DENND1A: variants seen among roughly 807,000 people sequenced by gnomAD.
DENND1A encodes the protein DENN domain containing 1A.
In DENND1A, 51 loss-of-function variants were observed where a neutral mutation model predicts 113.7. The ratio of observed to expected loss-of-function variants is 0.45; its 90% CI spans 0.36 to 0.57. DENND1A has a LOEUF of 0.57. Among genes scored for constraint, DENND1A ranks in the 20% least tolerant of loss-of-function variants. DENND1A has a pLI of 0.00. For missense variants in DENND1A, 1,258 were observed against 1,395.9 expected, an observed-to-expected ratio of 0.90 and a Z score of 1.57; for synonymous variants, 565 against 570.8, an observed-to-expected ratio of 0.99 and a Z score of 0.14.
At chr9:123,459,974 G>A (rs2048405441) in intron 13 of DENND1A, among the ~76,000 whole-genome samples, 1 of 152,164 alleles carries the variant, frequency 6.6e-6, no homozygotes. Context: ...CAGCTTATAT[G>A]AGCATCTAAA....
At chr9:123,637,970 CA>C (rs1458665065) in intron 9 of DENND1A, among the ~76,000 whole-genome samples, 7 of 151,628 alleles carry the variant, frequency 4.6e-5, no homozygotes, top group East Asian at 3.9e-4. Context: ...CACACACACA[CA>C]CACCAAAAAA....
At chr9:123,627,430 A>T (rs1277525031) in intron 10 of DENND1A, among the ~76,000 whole-genome samples, 1 of 152,194 alleles carries the variant, frequency 6.6e-6, no homozygotes, top group African/African-American at 2.4e-5. Context: ...CAGCATCGGG[A>T]AACATCTGCT....
intron 13 of DENND1A, among the ~76,000 whole-genome samples, chr9:123,507,130 A>C (rs181268230): frequency 7.2e-5 from 11 of 152,354 alleles, no homozygotes; most frequent in Admixed American, 6.5e-4. Flanking sequence ...TGGGGGTTGC[A>C]GTGAGCTAAG....
chr9:123,804,683 C>T (rs919472276), intron 2 of DENND1A, among the ~76,000 whole-genome samples: 1 of 152,184 alleles, frequency 6.6e-6, no homozygotes, highest in Non-Finnish European at 1.5e-5. Flanking sequence ...AACTCCTGAT[C>T]TTTCTCTCAC....
chr9:123,738,441 T>TTGTGTGTGTG (rs760641686), intron 5 of DENND1A, among the ~76,000 whole-genome samples: 1,500 of 123,420 alleles, frequency 0.012, 13 homozygotes, highest in African/African-American at 0.026. Context: ...TGTCAACAGC[T>TTGTGTGTGTG]TCTGTGTGTG....
Position 123,627,950 on chromosome 9 carries a change from A to C in DENND1A, c.719+2426T>G, listed in dbSNP as rs77282982. 4.1e-4 allele frequency among the ~76,000 whole-genome samples: 63 copies of C among 152,116 alleles called. No individual in the cohort carries two copies. In the East Asian group the frequency reaches 8.8e-3, roughly 21 times the overall value. ...ATTAGCACATACGTTATTTTATTTC[A>C]TCCTAGAAACAGTTTAAAGAACAGG... On this transcript the variant is annotated intron_variant, in intron 10 of 23. Transcript: ENST00000394215.
At chr9:123,833,154 C>T (rs373683741) in intron 2 of DENND1A, among the ~76,000 whole-genome samples, 1 of 93,426 alleles carries the variant, frequency 1.1e-5, no homozygotes, top group African/African-American at 4.3e-5. Flanking sequence ...AAAAAGGAAA[C>T]GAAAGAAAAA....
At chr9:123,830,888 A>C (rs1234005243) in intron 2 of DENND1A, among the ~76,000 whole-genome samples, 3 of 150,220 alleles carry the variant, frequency 2.0e-5, no homozygotes, top group Admixed American at 1.3e-4. Flanking sequence ...AAAAAAAAAA[A>C]AAAAAAAAAA....
intron 17 of DENND1A, among the ~76,000 whole-genome samples, chr9:123,451,658 T>G (rs564665116): frequency 1.3e-5 from 2 of 152,310 alleles, no homozygotes; most frequent in East Asian, 3.9e-4. Flanking sequence ...AGACACCAGA[T>G]AGACCATGCT....
At chr9:123,407,674 A>G (rs10818816) in intron 20 of DENND1A, among the ~76,000 whole-genome samples, 22,245 of 152,134 alleles carry the variant, frequency 0.15, 1,655 homozygotes, top group Middle Eastern at 0.18. Flanking sequence ...CGGTGTGAGG[A>G]TCCCAGCCGC....
chr9:123,803,601 T>C (rs1835056833), intron 2 of DENND1A, among the ~76,000 whole-genome samples: 1 of 152,188 alleles, frequency 6.6e-6, no homozygotes, highest in Non-Finnish European at 1.5e-5. Context: ...CTTTGTCCAC[T>C]TGTGAAAGAG....
At chr9:123,888,852 T>C (rs760418463) in intron 1 of DENND1A, among the ~76,000 whole-genome samples, 1 of 152,206 alleles carries the variant, frequency 6.6e-6, no homozygotes. Flanking sequence ...CTTGCTGATT[T>C]TGATGTTTGC....
At chr9:123,513,006 G>C (rs2053583370) in intron 13 of DENND1A, among the ~76,000 whole-genome samples, 1 of 152,240 alleles carries the variant, frequency 6.6e-6, no homozygotes, top group Non-Finnish European at 1.5e-5. Context: ...CTGGAAGCCA[G>C]AAAAAGAGAT....
intron 14 of DENND1A, 77 bp from the exon 15 acceptor site, chr9:123,457,512 T>C (rs2048215354): frequency 8.2e-7 from 1 of 1,218,024 alleles, no homozygotes; most frequent in Non-Finnish European, 1.2e-6. Flanking sequence ...GGCACCTTAC[T>C]GTATCCAAGG....
chr9:123,647,112 T>C lies in DENND1A; in HGVS notation c.618+4901A>G, dbSNP rs138459243. ...ACAAGAACTGCTTTGTCTCTATCCC[T>C]GATACTCTAAAATCTCATGATAAAG... On this transcript the variant is annotated intron_variant, in intron 9 of 23. Coordinates refer to ENST00000394215, the MANE Select transcript of DENND1A (RefSeq NM_001352964.2). 3.5e-4 allele frequency among the ~76,000 whole-genome samples: 54 copies of C among 152,304 alleles called. No individual in the cohort carries two copies. The East Asian group carries it at 9.2e-3, about 26-fold the overall frequency.
At chr9:123,414,451 C>A in intron 19 of DENND1A, 1 of 1,481,352 alleles carries the variant, frequency 6.8e-7, no homozygotes, top group African/African-American at 1.4e-5. Flanking sequence ...CAGTGGAAGG[C>A]CGGCATCTCA....
intron 2 of DENND1A, among the ~76,000 whole-genome samples, chr9:123,853,215 G>C (rs1351082953): frequency 5.3e-5 from 8 of 151,438 alleles, no homozygotes; most frequent in Non-Finnish European, 8.8e-5. Flanking sequence ...ACCACGCCCA[G>C]CCTTTAAATT....
intron 13 of DENND1A, among the ~76,000 whole-genome samples, chr9:123,540,987 TTTC>T (rs760198498): frequency 2.8e-4 from 42 of 152,204 alleles, no homozygotes; most frequent in Non-Finnish European, 5.4e-4. Context: ...ACCCAGGAGC[TTTC>T]TCTATCTTCT....
rs1310118757 is a variant in DENND1A, at chr9:123,440,558, C to T, written c.1357-67G>A. 3.4e-6 allele frequency: 5 copies of T among 1,484,576 alleles called. No homozygotes were observed. In the South Asian group the frequency reaches 4.1e-5, roughly 12 times the overall value. The allele number at this position is 1,484,576 out of a possible 1,614,324, so 92.0% of individuals were successfully genotyped here. A position where few individuals can be genotyped will look rare whatever the true frequency, so the allele number is the denominator to read the frequency against. On this transcript the variant is annotated intron_variant, in intron 18 of 23. Transcript: ENST00000394215. ...GGCACCCATGTTCCCTCTCACCCCA[C>T]AACGAAGAGGCCTGCCAGGCGACTC... is the stretch of plus-strand genomic sequence containing the variant.
Sources: allele counts gnomAD v4.1 joint callset (sites outside exome capture counted in the v4.1 genomes callset), GRCh38; gene constraint gnomAD v4.1.1; transcripts MANE v1.5; gene names NCBI Gene and HGNC (gene_info 2026-07-23, HGNC 2026-07-21).